DYSF: variants seen among roughly 807,000 people sequenced by gnomAD.
DYSF encodes the protein dysferlin.
Under a neutral mutation model 274.9 loss-of-function variants are expected in DYSF, and 212 were observed. The ratio of observed to expected loss-of-function variants is 0.77; its 90% confidence interval spans 0.69 to 0.86. The LOEUF is 0.86. Among genes scored for constraint, DYSF ranks in the 40% least tolerant of loss-of-function variants. The pLI is 0.00. For synonymous variants in DYSF, 1,091 were observed against 1,078.7 expected (o/e 1.01, Z -0.22); for missense variants, 2,666 against 2,783.2 (o/e 0.96, Z 0.95).
intron 1 of DYSF, among the ~76,000 whole-genome samples, chr2:71,459,274 A>C (rs2081189897): frequency 6.6e-6 from 1 of 152,228 alleles, no homozygotes; most frequent in Non-Finnish European, 1.5e-5. Context: ...CTTGGGAAAC[A>C]CAAAGGACCA....
At position 71,597,773 on chromosome 2, in the gene DYSF, C is replaced by T. The variant is rs529462561; in HGVS notation, c.3575-791C>T. On this transcript the variant is annotated intron_variant, in intron 32 of 55. Coordinates refer to ENST00000410020, the MANE Select transcript of DYSF (RefSeq NM_001130987.2). Reference sequence around the variant, plus strand: ...GAGCTGCAGGGGCCTTTGGGTTTCTCGCACACCCCTACTGCTAAATAGCTG... The same window carrying T: ...GAGCTGCAGGGGCCTTTGGGTTTCTTGCACACCCCTACTGCTAAATAGCTG... Among the ~76,000 whole-genome samples the T allele has an allele frequency of 1.4e-4, 22 of 152,270 alleles. No homozygotes were observed. The South Asian group carries it at 2.7e-3, about 19-fold the overall frequency.
Position 71,568,288 on chromosome 2 carries a change from C to T in DYSF, c.2814C>T (p.Pro938=), listed in dbSNP as rs2152811408. Residue 938 remains proline (P), a synonymous_variant, in exon 26 of 56, where the codon CCC becomes CCT. Coordinates refer to ENST00000410020, the MANE Select transcript of DYSF (RefSeq NM_001130987.2). Reference sequence around the variant, plus strand: ...AGCTACCCAAGGACAGCTTCCGCCCCTCGGCCGGCTGGACCTGGGCTGGAG... The same window carrying T: ...AGCTACCCAAGGACAGCTTCCGCCCTTCGGCCGGCTGGACCTGGGCTGGAG... ...KIKLPKDSFR[P]SAGWTWAGDW... is the part of the protein sequence containing the mutation. 1.2e-6 allele frequency: 2 copies of T among 1,614,212 alleles called. No homozygotes were observed. The highest frequency in any genetic ancestry group is 1.7e-6 in the Non-Finnish European group (2 of 1,180,040).
chr2:71,466,342 C>G (rs373839807), upstream of DYSF, among the ~76,000 whole-genome samples: 36 of 152,366 alleles, frequency 2.4e-4, no homozygotes, highest in African/African-American at 8.4e-4. Flanking sequence ...ACTCCTGCCT[C>G]CTTCTCACCC....
At chr2:71,498,999 A>C (rs371377274) in intron 3 of DYSF, among the ~76,000 whole-genome samples, 34 of 152,350 alleles carry the variant, frequency 2.2e-4, no homozygotes, top group African/African-American at 7.9e-4. Context: ...TTTGTTTTTA[A>C]ATTTAATTTT....
At position 71,596,507 on chromosome 2, in the gene DYSF, G is replaced by A. The variant is rs575592939; in HGVS notation, c.3575-2057G>A. ...CTGGAACCTGGAGAGGTTCTCTGCC[G>A]AGCTTGGAGCTGATGGTATCACAGC... is the stretch of plus-strand genomic sequence containing the variant. On this transcript the variant is annotated intron_variant, in intron 32 of 55. Transcript: ENST00000410020. 5.2e-4 allele frequency among the ~76,000 whole-genome samples: 79 copies of A among 152,282 alleles called. 1 individual carries two copies. The highest frequency in any genetic ancestry group is 6.8e-3 in the Middle Eastern group (2 of 294).
chr2:71,522,394 CTGT>C (rs145627025), intron 12 of DYSF, among the ~76,000 whole-genome samples: 6,299 of 152,242 alleles, frequency 0.041, 152 homozygotes, highest in Middle Eastern at 0.065. Context: ...GAGCTCTCCT[CTGT>C]TGTTAGACTG....
At chr2:71,492,499 C>T (rs2083942883) in intron 3 of DYSF, among the ~76,000 whole-genome samples, 1 of 152,102 alleles carries the variant, frequency 6.6e-6, no homozygotes, top group African/African-American at 2.4e-5. Context: ...TTGGCATGCG[C>T]TTTTCTTCAT....
At chr2:71,548,184 G>T (rs2090631859) in intron 17 of DYSF, among the ~76,000 whole-genome samples, 1 of 152,234 alleles carries the variant, frequency 6.6e-6, no homozygotes. Context: ...GCTGAGGAGG[G>T]CTGAGGGGCT....
At chr2:71,469,340 G>T (rs990793461) in intron 1 of DYSF, among the ~76,000 whole-genome samples, 1 of 152,160 alleles carries the variant, frequency 6.6e-6, no homozygotes, top group African/African-American at 2.4e-5. Context: ...CTTCACCAAA[G>T]ACCACTGCCA....
At chr2:71,482,012 A>G in intron 3 of DYSF, 42 bp downstream of exon 3, 1 of 1,544,410 alleles carries the variant, frequency 6.5e-7, no homozygotes, top group Non-Finnish European at 8.9e-7. Flanking sequence ...TTGAAGGTGC[A>G]GGTAGGATTG....
In DYSF at chr2:71,656,400, G is replaced by T. The variant is rs1465703873; in HGVS notation, c.4755+110G>T. The T allele has an allele frequency of 3.3e-6, 5 of 1,499,520 alleles. No individual in the cohort carries two copies. In the African/African-American group the frequency reaches 5.5e-5, roughly 17 times the overall value. 92.9% of individuals were successfully genotyped at this position (1,499,520 alleles called of 1,614,324 possible). A position where few individuals can be genotyped will look rare whatever the true frequency, so the allele number is the denominator to read the frequency against. On this transcript the variant is annotated intron_variant, in intron 43 of 55. Transcript: ENST00000410020. The stretch of plus-strand genomic sequence containing the variant: ...CACTGGTGACCCTGGTGCTGATGTT[G>T]GTGACCACATGGGTAATGGAGGTGG...
chr2:71,620,409 C>T (rs1301690801), intron 40 of DYSF, 138 bp from the exon 41 acceptor site: 10 of 916,304 alleles, frequency 1.1e-5, no homozygotes, highest in Non-Finnish European at 1.6e-5. Flanking sequence ...CCAGGCTTGT[C>T]CAACTCCAAA....
At chr2:71,653,881 CA>C (rs1175957453) in intron 42 of DYSF, among the ~76,000 whole-genome samples, 3 of 26,708 alleles carry the variant, frequency 1.1e-4, no homozygotes, top group Admixed American at 3.4e-4. Flanking sequence ...TAAATATAAA[CA>C]TAAGATAATC....
intron 45 of DYSF, among the ~76,000 whole-genome samples, chr2:71,661,603 G>A (rs931705999): frequency 2.6e-5 from 4 of 152,192 alleles, no homozygotes; most frequent in Non-Finnish European, 5.9e-5. Context: ...AAGAATCAAT[G>A]CCCATTGCAT....
intron 55 of DYSF, among the ~76,000 whole-genome samples, chr2:71,685,436 C>T (rs2095345249): frequency 6.6e-6 from 1 of 152,216 alleles, no homozygotes; most frequent in Non-Finnish European, 1.5e-5. Flanking sequence ...CTGAGCACAT[C>T]CTGCCTCCTT....
At chr2:71,559,404 C>T (rs79565365) in intron 22 of DYSF, among the ~76,000 whole-genome samples, 4,708 of 152,222 alleles carry the variant, frequency 0.031, 108 homozygotes, top group Non-Finnish European at 0.042. Context: ...TCCTTCCTCT[C>T]CCACCCCTCC....
At chr2:71,498,830 T>C (rs183606440) in intron 3 of DYSF, among the ~76,000 whole-genome samples, 1 of 152,360 alleles carries the variant, frequency 6.6e-6, no homozygotes, top group Non-Finnish European at 1.5e-5. Context: ...GTCATCATTC[T>C]CTCATTTTTA....
intron 36 of DYSF, among the ~76,000 whole-genome samples, chr2:71,605,597 G>T (rs1230241851): frequency 6.6e-6 from 1 of 152,144 alleles, no homozygotes; most frequent in Non-Finnish European, 1.5e-5. Context: ...GCTGGGGCAG[G>T]GGATGCCCTG....
Position 71,563,941 on chromosome 2 carries a change from A to G in DYSF, c.2410-117A>G, listed in dbSNP as rs72827550. 0.029 allele frequency: 41,376 copies of G among 1,422,612 alleles called. 756 individuals carry two copies. Among genetic ancestry groups the G allele is most frequent in the Middle Eastern group, 0.065 (267 of 4,084 alleles). 88.1% of individuals were successfully genotyped at this position (1,422,612 alleles called of 1,614,324 possible). A position where few individuals can be genotyped will look rare whatever the true frequency, so the allele number is the denominator to read the frequency against. ...CCAGGGTGGACAGTGTGTGGGATGG[A>G]AGCTGGGAGAGGAGAGGCCTCTGTG... On this transcript the variant is annotated intron_variant, in intron 23 of 55. Coordinates refer to ENST00000410020, the MANE Select transcript of DYSF (RefSeq NM_001130987.2).
Sources: allele counts gnomAD v4.1 joint callset (sites outside exome capture counted in the v4.1 genomes callset), GRCh38; gene constraint gnomAD v4.1.1; transcripts MANE v1.5; gene names NCBI Gene and HGNC (gene_info 2026-07-23, HGNC 2026-07-21).